The following SPATA13 variants were observed in gnomAD, a reference collection of about 807,000 sequenced individuals.
SPATA13 encodes the protein spermatogenesis-associated protein 13.
SPATA13 carries 50 observed loss-of-function variants against 104.0 expected under a neutral mutation model. The observed-to-expected ratio is 0.48, with a 90% CI of 0.38 to 0.61. The LOEUF (loss-of-function observed/expected upper bound fraction) is 0.61. Among genes scored for constraint, SPATA13 ranks in the 20% least tolerant of loss-of-function variants. SPATA13 has a pLI of 0.00. For missense variants in SPATA13, 1,524 were observed against 1,690.6 expected (o/e 0.90, Z 1.73); for synonymous variants, 606 against 667.5 (o/e 0.91, Z 1.42).
rs1166958612 is a variant in SPATA13 at position 24,304,096 on chromosome 13, G to A, written c.*1323G>A. 6.6e-6 allele frequency: 1 copy of A among 152,186 alleles called. No homozygotes were observed. Among genetic ancestry groups the A allele is most frequent in the Non-Finnish European group, 1.5e-5 (1 of 68,044 alleles). The allele number at this position is 152,186 out of a possible 1,614,324, so 9.4% of individuals were successfully genotyped here. ...ACAGCCAAAGCAGTCCTGCTTCTTGGAAATCAGAAGCTGCCTTTATCACAT... is the reference window on the plus strand; with the variant it reads ...ACAGCCAAAGCAGTCCTGCTTCTTGAAAATCAGAAGCTGCCTTTATCACAT... On this transcript the variant is annotated 3_prime_UTR_variant, in exon 13 of 13. Coordinates refer to ENST00000382108, the MANE Select transcript of SPATA13 (RefSeq NM_001166271.3).
At chr13:24,287,205 G>A (rs1431448291) in intron 7 of SPATA13, among the ~76,000 whole-genome samples, 1 of 152,146 alleles carries the variant, frequency 6.6e-6, no homozygotes, top group Non-Finnish European at 1.5e-5. Context: ...CTGTCATGCA[G>A]ACTGGAGTAC....
intron 2 of SPATA13, among the ~76,000 whole-genome samples, chr13:24,007,328 G>A (rs530760013): frequency 1.9e-4 from 29 of 152,318 alleles, no homozygotes; most frequent in African/African-American, 6.3e-4. Context: ...CTGTGGAGGG[G>A]ACTGGGCTCA....
At chr13:24,220,370 T>C (rs540708535) in intron 1 of SPATA13, among the ~76,000 whole-genome samples, 1 of 152,118 alleles carries the variant, frequency 6.6e-6, no homozygotes, top group South Asian at 2.1e-4. Flanking sequence ...CCTTCTCTTC[T>C]GTATTCAGTG....
rs186875818 is a variant in SPATA13, at chr13:24,038,773, C to G, written c.-112+21072C>G. Reference sequence around the variant, plus strand: ...GAGTTCTTGAACCTCTGATCTAATTCACAGCTCACTAGGACGCAGGAGTTA... The same window carrying G: ...GAGTTCTTGAACCTCTGATCTAATTGACAGCTCACTAGGACGCAGGAGTTA... On this transcript the variant is annotated intron_variant, in intron 3 of 14. Transcript: ENST00000424834. 6.3e-3 allele frequency among the ~76,000 whole-genome samples: 961 copies of G among 152,268 alleles called. 8 individuals carry two copies. The highest frequency in any genetic ancestry group is 0.01 in the Non-Finnish European group (690 of 68,026).
At chr13:24,296,148 T>C (rs1166522813) in intron 10 of SPATA13, among the ~76,000 whole-genome samples, 8 of 152,140 alleles carry the variant, frequency 5.3e-5, no homozygotes, top group African/African-American at 9.7e-5. Context: ...GTGGTGAAAA[T>C]TGGAGAGAAA....
chr13:24,091,609 G>A (rs1186435606), intron 3 of SPATA13, among the ~76,000 whole-genome samples: 1 of 152,194 alleles, frequency 6.6e-6, no homozygotes, highest in Non-Finnish European at 1.5e-5. Flanking sequence ...TCAGGAGTCT[G>A]AGACCAGTTT....
intron 3 of SPATA13, among the ~76,000 whole-genome samples, chr13:24,040,796 C>A (rs1015808386): frequency 2.0e-5 from 3 of 152,206 alleles, no homozygotes; most frequent in African/African-American, 7.2e-5. Flanking sequence ...TCAGCTTTTG[C>A]TGATTGTTTG....
chr13:23,992,728 C>A (rs1339456556), intron 2 of SPATA13, among the ~76,000 whole-genome samples: 1 of 152,100 alleles, frequency 6.6e-6, no homozygotes, highest in African/African-American at 2.4e-5. Context: ...ATCCTGCAAG[C>A]CTAGGATTCA....
In SPATA13 at chr13:24,057,780, G is replaced by A. The variant is rs180768834; in HGVS notation, c.-112+40079G>A. 9.9e-4 allele frequency among the ~76,000 whole-genome samples: 150 copies of A among 151,882 alleles called. 5 individuals carry two copies. The highest frequency in any genetic ancestry group is 3.3e-4 in the Admixed American group (5 of 15,268). On this transcript the variant is annotated intron_variant, in intron 3 of 14. Coordinates refer to the SPATA13 transcript ENST00000424834. ...CCTAAACCAACACTGCAGTCAGGTG[G>A]GAGGGGAGGTACAGAGCCCAGCCTT...
intron 4 of SPATA13, among the ~76,000 whole-genome samples, chr13:24,272,023 TGAGAGGGCTC>T (rs374207596): frequency 5.3e-5 from 8 of 152,120 alleles, no homozygotes; most frequent in African/African-American, 1.9e-4. Flanking sequence ...ACCACATGAG[TGAGAGGGCTC>T]GGTAATGCTA....
rs151315433 is a variant in SPATA13, at chr13:24,016,124, C to T, written c.-146-1543C>T. 7.7e-3 allele frequency among the ~76,000 whole-genome samples: 1,179 copies of T among 152,292 alleles called. 16 individuals carry two copies. The highest frequency in any genetic ancestry group is 0.026 in the African/African-American group (1,094 of 41,550). ...GTCCCTGGCAGGACTCGGGACTCTG[C>T]GTATGTCTTTCTCAGACACCCCTGA... On this transcript the variant is annotated intron_variant, in intron 2 of 14. Transcript: ENST00000424834.
intron 3 of SPATA13, among the ~76,000 whole-genome samples, chr13:24,020,654 T>C (rs1297644550): frequency 1.3e-5 from 2 of 152,236 alleles, no homozygotes; most frequent in African/African-American, 4.8e-5. Flanking sequence ...AAGCAGAAGT[T>C]ATGCAGTTAA....
At chr13:24,009,802 C>T (rs967063364) in intron 2 of SPATA13, among the ~76,000 whole-genome samples, 11 of 152,106 alleles carry the variant, frequency 7.2e-5, no homozygotes, top group Admixed American at 2.6e-4. Flanking sequence ...TAACTCTGGT[C>T]GGCTTTTTTT....
chr13:24,104,901 C>G (rs1349056047), intron 3 of SPATA13, among the ~76,000 whole-genome samples: 2 of 152,214 alleles, frequency 1.3e-5, no homozygotes, highest in African/African-American at 4.8e-5. Context: ...CTTTCACACA[C>G]CTGTGCTTTG....
At position 24,281,666 on chromosome 13, in the gene SPATA13, AG is replaced by A. The variant is rs558682107; in HGVS notation, c.2165-2464del. On this transcript the variant is annotated intron_variant, in intron 4 of 12. Transcript: ENST00000382108. ...TCTCTGAGAGGGGCACCCCAGGCAG[AG>A]GGGGAAGCAACTGGAAAGCCAGAGC... Among the ~76,000 whole-genome samples the A allele has an allele frequency of 9.3e-5, 14 of 150,936 alleles. No individual in the cohort carries two copies. In the South Asian group the frequency reaches 2.7e-3, roughly 29 times the overall value.
At chr13:24,188,344 T>A (rs368516725) in intron 1 of SPATA13, among the ~76,000 whole-genome samples, 5 of 149,830 alleles carry the variant, frequency 3.3e-5, no homozygotes, top group African/African-American at 7.5e-5. Flanking sequence ...AAAAAAATAA[T>A]AAAAAAAAAA....
chr13:24,217,593 G>A (rs1335721891), intron 1 of SPATA13, among the ~76,000 whole-genome samples: 1 of 152,250 alleles, frequency 6.6e-6, no homozygotes, highest in Non-Finnish European at 1.5e-5. Context: ...ACCGGGCAGT[G>A]TGGGAAACAT....
chr13:24,140,177 G>A (rs1881715365), intron 3 of SPATA13, among the ~76,000 whole-genome samples: 3 of 151,992 alleles, frequency 2.0e-5, no homozygotes, highest in African/African-American at 7.2e-5. Context: ...TAAATCCATT[G>A]TAGGGGTACA....
At chr13:24,078,246 CA>C (rs1263786367) in intron 3 of SPATA13, among the ~76,000 whole-genome samples, 1 of 152,102 alleles carries the variant, frequency 6.6e-6, no homozygotes, top group African/African-American at 2.4e-5. Context: ...TCAAGAGAGG[CA>C]AAACTTTGGA....
Sources: gnomAD v4.1 joint callset for allele counts (sites outside exome capture counted in the v4.1 genomes callset) on GRCh38, gnomAD v4.1.1 for gene constraint, MANE v1.5 for transcripts, NCBI Gene and HGNC (gene_info 2026-07-23, HGNC 2026-07-21) for gene names.